The following CCDC93 variants were observed in gnomAD, a reference collection of about 807,000 sequenced individuals.
The protein encoded by CCDC93 is coiled-coil domain-containing protein 93.
Under a neutral mutation model 108.2 loss-of-function variants are expected in CCDC93, and 61 were observed. The observed-to-expected ratio is 0.56, with a 90% CI of 0.46 to 0.70. The LOEUF is 0.70. CCDC93 is among the 30% of genes least tolerant of loss of function. CCDC93 has a pLI of 0.00. For missense variants in CCDC93, 685 were observed against 764.2 expected (o/e 0.90, Z 1.22); for synonymous variants, 276 against 260.4 (o/e 1.06, Z -0.58).
intron 7 of CCDC93, among the ~76,000 whole-genome samples, chr2:117,982,559 C>T (rs1441295104): frequency 9.2e-5 from 14 of 152,118 alleles, no homozygotes; most frequent in Admixed American, 7.9e-4. Context: ...AGATGGAATG[C>T]GGACCTAAAA....
chr2:117,932,302 T>C (rs1414230588), intron 22 of CCDC93, among the ~76,000 whole-genome samples: 1 of 152,196 alleles, frequency 6.6e-6, no homozygotes, highest in East Asian at 1.9e-4. Context: ...TGCCTGACCA[T>C]GATTTCTGTG....
At chr2:118,013,552 A>C (rs898172241) in intron 1 of CCDC93, among the ~76,000 whole-genome samples, 1 of 152,208 alleles carries the variant, frequency 6.6e-6, no homozygotes, top group Non-Finnish European at 1.5e-5. Context: ...CGCCTCGGAG[A>C]GCGGTCTCGT....
chr2:117,990,280 T>C (rs1255858456), intron 6 of CCDC93, among the ~76,000 whole-genome samples: 1 of 152,214 alleles, frequency 6.6e-6, no homozygotes, highest in African/African-American at 2.4e-5. Flanking sequence ...CCACTCCTTA[T>C]GTCCTTTGAA....
chr2:117,920,352 C>T lies in CCDC93; in HGVS notation c.1887G>A (p.Lys629=). The T allele has an allele frequency of 6.2e-7, 1 of 1,612,844 alleles. No individual in the cohort carries two copies. The highest frequency in any genetic ancestry group is 8.5e-7 in the Non-Finnish European group (1 of 1,179,064). ...NEMLLSKVKA[K]AS The stretch of plus-strand genomic sequence containing the variant: ...CCACGGCTGGGGATGTTCAGGAGGC[C>T]TTCGCTTTCACCTTGGACAGCAGCA... The change falls in exon 24 of 24, where the codon AAG becomes AAA. Residue 629 remains lysine, a synonymous_variant. Transcript: ENST00000376300.
At chr2:117,993,608 C>T (rs1200133748) in intron 6 of CCDC93, among the ~76,000 whole-genome samples, 3 of 152,208 alleles carry the variant, frequency 2.0e-5, no homozygotes, top group African/African-American at 7.2e-5. Context: ...ATGATTATCA[C>T]CTTGTTTTCA....
chr2:118,003,877 A>C (rs1306307008), intron 3 of CCDC93, among the ~76,000 whole-genome samples: 1 of 152,166 alleles, frequency 6.6e-6, no homozygotes, highest in Non-Finnish European at 1.5e-5. Flanking sequence ...GAAATCTAAC[A>C]ATCCCCTTTC....
intron 23 of CCDC93, among the ~76,000 whole-genome samples, chr2:117,922,399 ACT>A (rs1483729732): frequency 2.0e-5 from 3 of 151,468 alleles, no homozygotes; most frequent in African/African-American, 7.3e-5. Flanking sequence ...CCTGCTGAAA[ACT>A]CTATCCATGC....
At chr2:118,012,961 CA>C (rs1297097119) in intron 1 of CCDC93, 1 of 152,142 alleles carries the variant, frequency 6.6e-6, no homozygotes, top group East Asian at 1.9e-4. Flanking sequence ...AGGGACGACT[CA>C]CCACGTCAAG....
chr2:117,985,129 G>GA (rs1355997972), intron 7 of CCDC93, among the ~76,000 whole-genome samples: 4 of 114,094 alleles, frequency 3.5e-5, no homozygotes, highest in South Asian at 5.8e-4. Flanking sequence ...TTCTTAGGAA[G>GA]AAAAAACAAA....
chr2:118,010,560 A>C (rs1240521071), intron 1 of CCDC93, among the ~76,000 whole-genome samples: 1 of 152,100 alleles, frequency 6.6e-6, no homozygotes, highest in Non-Finnish European at 1.5e-5. Flanking sequence ...TTCATACTTC[A>C]TTCCAGAACT....
intron 7 of CCDC93, among the ~76,000 whole-genome samples, chr2:117,983,953 T>C (rs985013120): frequency 1.6e-4 from 24 of 152,154 alleles, no homozygotes; most frequent in Admixed American, 1.5e-3. Flanking sequence ...GCTCAAACAG[T>C]ATTTGCAGAC....
intron 20 of CCDC93, among the ~76,000 whole-genome samples, chr2:117,938,575 G>GAAAA (rs1678596404): frequency 7.2e-6 from 1 of 138,020 alleles, no homozygotes. Context: ...AAAAAAAGAC[G>GAAAA]AAGGGAGTGA....
chr2:117,949,292 C>CA, intron 14 of CCDC93, 30 bp downstream of exon 14: 4 of 1,506,616 alleles, frequency 2.7e-6, no homozygotes, highest in Non-Finnish European at 3.7e-6. Flanking sequence ...TTCATCAAAG[C>CA]AAAAATAAGC....
chr2:117,924,044 T>A (rs1677986213), intron 23 of CCDC93, among the ~76,000 whole-genome samples: 1 of 152,056 alleles, frequency 6.6e-6, no homozygotes, highest in Non-Finnish European at 1.5e-5. Flanking sequence ...TCCAGCAAAC[T>A]CCAACAGACC....
At chr2:118,010,850 A>G (rs968272920) in intron 1 of CCDC93, among the ~76,000 whole-genome samples, 1 of 152,190 alleles carries the variant, frequency 6.6e-6, no homozygotes, top group Non-Finnish European at 1.5e-5. Context: ...TTCAAATTCC[A>G]GCTCCCATGC....
At chr2:117,979,070 G>C (rs1680033580) in intron 7 of CCDC93, among the ~76,000 whole-genome samples, 1 of 152,144 alleles carries the variant, frequency 6.6e-6, no homozygotes, top group South Asian at 2.1e-4. Context: ...CTTCTGGGTT[G>C]TGTGCTCACC....
intron 1 of CCDC93, among the ~76,000 whole-genome samples, chr2:118,010,539 C>T (rs968323675): frequency 2.6e-5 from 4 of 152,182 alleles, no homozygotes; most frequent in African/African-American, 9.7e-5. Context: ...TTTATCTTCC[C>T]TTCCCTTTCA....
chr2:117,964,017 C>T lies in CCDC93; in HGVS notation c.889-5536G>A, dbSNP rs566109488. On this transcript the variant is annotated intron_variant, in intron 11 of 23. Transcript: ENST00000376300. Reference sequence around the variant, plus strand: ...GCAGTTAGGTATTGTATACTAATTACGTAAGAGTCGATCCGAATTCAGGAA... The same window carrying T: ...GCAGTTAGGTATTGTATACTAATTATGTAAGAGTCGATCCGAATTCAGGAA... 7.2e-5 allele frequency among the ~76,000 whole-genome samples: 11 copies of T among 152,296 alleles called. No homozygotes were observed. In the South Asian group the frequency reaches 1.4e-3, roughly 20 times the overall value.
chr2:117,943,879 C>T, intron 18 of CCDC93, 145 bp downstream of exon 18: 1 of 544,796 alleles, frequency 1.8e-6, no homozygotes, highest in Non-Finnish European at 3.2e-6. Context: ...CTGAGTTACA[C>T]TCCAGATAGA....
Sources: allele counts gnomAD v4.1 joint callset (sites outside exome capture counted in the v4.1 genomes callset), GRCh38; gene constraint gnomAD v4.1.1; transcripts MANE v1.5; gene names NCBI Gene and HGNC (gene_info 2026-07-23, HGNC 2026-07-21).